FHIT: variants seen among roughly 807,000 people sequenced by gnomAD.
FHIT encodes the protein bis(5'-adenosyl)-triphosphatase.
A neutral mutation model predicts 17.9 loss-of-function variants in FHIT; 19 were observed. That is an observed-to-expected ratio of 1.06 (90% CI 0.74 to 1.56). The LOEUF (loss-of-function observed/expected upper bound fraction) is 1.56. FHIT is among the 40% of genes most tolerant of loss of function. FHIT has a pLI of 0.00. For synonymous variants in FHIT, 81 were observed against 69.7 expected (o/e 1.16, Z -0.81); for missense variants, 248 against 189.2 (o/e 1.31, Z -1.82).
At chr3:60,351,863 C>T (rs1699414375) in intron 5 of FHIT, among the ~76,000 whole-genome samples, 2 of 148,304 alleles carry the variant, frequency 1.3e-5, no homozygotes, top group Admixed American at 6.7e-5. Flanking sequence ...CTTCTCAGTC[C>T]TAGACCTGGC....
At chr3:60,900,935 G>T (rs1270339619) in intron 3 of FHIT, among the ~76,000 whole-genome samples, 1 of 152,040 alleles carries the variant, frequency 6.6e-6, no homozygotes, top group African/African-American at 2.4e-5. Context: ...ATGCCACCAC[G>T]CTCGGCTAAT....
chr3:60,515,408 G>A (rs2035114952), intron 5 of FHIT, among the ~76,000 whole-genome samples: 1 of 152,094 alleles, frequency 6.6e-6, no homozygotes, highest in South Asian at 2.1e-4. Flanking sequence ...CAGGAAGGAG[G>A]AATGACACCA....
chr3:61,167,673 T>A (rs1399601004), intron 2 of FHIT, among the ~76,000 whole-genome samples: 2,953 of 87,880 alleles, frequency 0.034, no homozygotes, highest in Non-Finnish European at 0.04. Context: ...GAAAAGAGAA[T>A]AAAAGAAAAG....
intron 2 of FHIT, among the ~76,000 whole-genome samples, chr3:61,188,479 T>G (rs1287501688): frequency 6.6e-6 from 1 of 152,168 alleles, no homozygotes. Context: ...CCAGAGGGAT[T>G]CACAGCTGAA....
At chr3:60,058,451 T>C (rs1278005898) in intron 5 of FHIT, among the ~76,000 whole-genome samples, 2 of 152,284 alleles carry the variant, frequency 1.3e-5, no homozygotes, top group Admixed American at 6.5e-5. Context: ...CTATTTGAGA[T>C]GACAGAAACT....
At chr3:60,769,285 T>C (rs928672780) in intron 4 of FHIT, among the ~76,000 whole-genome samples, 6 of 152,092 alleles carry the variant, frequency 3.9e-5, no homozygotes, top group Non-Finnish European at 5.9e-5. Flanking sequence ...TAACTAGTGA[T>C]TAATTATAGT....
chr3:60,061,686 A>G (rs1171236096), intron 5 of FHIT, among the ~76,000 whole-genome samples: 1 of 152,236 alleles, frequency 6.6e-6, no homozygotes, highest in East Asian at 1.9e-4. Flanking sequence ...TCAAGTAAAC[A>G]GAGAGGGTTC....
intron 4 of FHIT, among the ~76,000 whole-genome samples, chr3:60,654,695 T>A (rs923699063): frequency 6.6e-6 from 1 of 152,196 alleles, no homozygotes; most frequent in Non-Finnish European, 1.5e-5. Flanking sequence ...AGACACAATG[T>A]CTTTGAGTAT....
chr3:60,287,447 G>A (rs754996708), intron 5 of FHIT, among the ~76,000 whole-genome samples: 3 of 152,188 alleles, frequency 2.0e-5, no homozygotes, highest in Admixed American at 6.5e-5. Context: ...GGGATTACAG[G>A]CATGAGCCAC....
chr3:59,785,666 T>G (rs553537892), intron 8 of FHIT, among the ~76,000 whole-genome samples: 1 of 152,332 alleles, frequency 6.6e-6, no homozygotes, highest in Non-Finnish European at 1.5e-5. Context: ...AAAGAAAGTT[T>G]ACTTGAAGAA....
chr3:60,027,426 T>C (rs2106765501), intron 5 of FHIT, among the ~76,000 whole-genome samples: 1 of 152,284 alleles, frequency 6.6e-6, no homozygotes. Context: ...CAGTCTTCTG[T>C]CATGGGGAAT....
intron 3 of FHIT, among the ~76,000 whole-genome samples, chr3:60,992,325 T>C (rs1221279971): frequency 1.3e-5 from 2 of 152,220 alleles, no homozygotes; most frequent in South Asian, 2.1e-4. Context: ...GATATACATA[T>C]GTAAAAATAT....
At chr3:59,832,192 A>G (rs2106708442) in intron 8 of FHIT, among the ~76,000 whole-genome samples, 1 of 152,246 alleles carries the variant, frequency 6.6e-6, no homozygotes, top group East Asian at 1.9e-4. Flanking sequence ...CTTCATATCT[A>G]TATTTAAGTT....
chr3:60,146,109 G>C lies in FHIT; in HGVS notation c.104-131957C>G, dbSNP rs907890813. 3.3e-5 allele frequency among the ~76,000 whole-genome samples: 5 copies of C among 152,172 alleles called. 1 individual carries two copies. In the South Asian group the frequency reaches 1.0e-3, roughly 32 times the overall value. ...TAGCCAGTCCAAATCTCTTACAATTGCATGTGGCAAACCAAAGTCAAACTG... is the reference window on the plus strand; with the variant it reads ...TAGCCAGTCCAAATCTCTTACAATTCCATGTGGCAAACCAAAGTCAAACTG... On this transcript the variant is annotated intron_variant, in intron 5 of 9. Transcript: ENST00000492590.
intron 5 of FHIT, among the ~76,000 whole-genome samples, chr3:60,062,938 T>C (rs1213849168): frequency 6.6e-6 from 1 of 151,476 alleles, no homozygotes; most frequent in Non-Finnish European, 1.5e-5. Context: ...AGAGAAGAAG[T>C]GAAAAGGGAT....
intron 4 of FHIT, among the ~76,000 whole-genome samples, chr3:60,814,735 T>A (rs2736738): frequency 6.6e-6 from 1 of 151,958 alleles, no homozygotes; most frequent in Non-Finnish European, 1.5e-5. Context: ...GTAATGGAAT[T>A]GCTGGATCGA....
chr3:60,906,572 T>C (rs970408750), intron 3 of FHIT, among the ~76,000 whole-genome samples: 3 of 152,152 alleles, frequency 2.0e-5, no homozygotes, highest in Non-Finnish European at 4.4e-5. Flanking sequence ...AGGGAAAATG[T>C]AAGGTAAGGT....
intron 3 of FHIT, among the ~76,000 whole-genome samples, chr3:60,923,696 T>C (rs1163660640): frequency 6.6e-6 from 1 of 151,600 alleles, no homozygotes; most frequent in Non-Finnish European, 1.5e-5. Context: ...CACTGAGGAG[T>C]GTCGGACAGT....
At chr3:60,371,496 T>A (rs1318913017) in intron 5 of FHIT, among the ~76,000 whole-genome samples, 1 of 152,096 alleles carries the variant, frequency 6.6e-6, no homozygotes, top group South Asian at 2.1e-4. Context: ...TAGCTGAGAA[T>A]ACAAGCTCAT....
Sources: allele counts gnomAD v4.1 joint callset (sites outside exome capture counted in the v4.1 genomes callset), GRCh38; gene constraint gnomAD v4.1.1; transcripts MANE v1.5; gene names NCBI Gene and HGNC (gene_info 2026-07-23, HGNC 2026-07-21).